Variants in PIP5K1B observed in about 807,000 individuals in gnomAD.
PIP5K1B encodes phosphatidylinositol 4-phosphate 5-kinase type-1 beta.
In PIP5K1B, 42 loss-of-function variants were observed where a neutral mutation model predicts 67.0. The observed-to-expected ratio is 0.63, with a 90% CI of 0.49 to 0.81. The LOEUF is 0.81. Among genes scored for constraint, PIP5K1B ranks in the 30% least tolerant of loss-of-function variants. The pLI, the probability that PIP5K1B is intolerant of heterozygous loss-of-function variation, is 0.00. For missense variants in PIP5K1B, 459 were observed against 646.3 expected, an observed-to-expected ratio of 0.71 and a Z score of 3.14; for synonymous variants, 214 against 231.4, an observed-to-expected ratio of 0.92 and a Z score of 0.68.
intron 6 of PIP5K1B, among the ~76,000 whole-genome samples, chr9:68,884,648 G>C (rs1366081236): frequency 7.2e-6 from 1 of 139,660 alleles, no homozygotes; most frequent in Non-Finnish European, 1.5e-5. Context: ...CTGGGTGGCA[G>C]AGCAGGACCT....
At chr9:68,990,251 G>A (rs1830302963) in intron 14 of PIP5K1B, among the ~76,000 whole-genome samples, 1 of 152,176 alleles carries the variant, frequency 6.6e-6, no homozygotes, top group Non-Finnish European at 1.5e-5. Context: ...CTGGGAACTT[G>A]TCAGAAATGC....
At chr9:68,790,363 C>CT (rs1831890603) in intron 2 of PIP5K1B, among the ~76,000 whole-genome samples, 2 of 152,180 alleles carry the variant, frequency 1.3e-5, no homozygotes, top group South Asian at 4.1e-4. Context: ...CAGTTTCATA[C>CT]TATCATGTCC....
chr9:68,720,459 A>T (rs1013705578), intron 1 of PIP5K1B, among the ~76,000 whole-genome samples: 3 of 152,136 alleles, frequency 2.0e-5, no homozygotes, highest in Non-Finnish European at 2.9e-5. Context: ...TTAAAAATTC[A>T]GTCCACCTCC....
At chr9:68,789,613 A>G in intron 2 of PIP5K1B, 6 of 383,162 alleles carry the variant, frequency 1.6e-5, no homozygotes, top group South Asian at 1.1e-4. Context: ...ACACTTCTCC[A>G]GTGTTTCTCC....
intron 4 of PIP5K1B, among the ~76,000 whole-genome samples, chr9:68,835,219 T>C (rs796948305): frequency 7.2e-5 from 11 of 152,068 alleles, no homozygotes; most frequent in African/African-American, 2.7e-4. Flanking sequence ...CATAGAGGAG[T>C]GTAGACTTTA....
At chr9:68,830,910 C>G (rs1258586420) in intron 4 of PIP5K1B, among the ~76,000 whole-genome samples, 2 of 152,204 alleles carry the variant, frequency 1.3e-5, no homozygotes, top group Non-Finnish European at 2.9e-5. Context: ...CCAGCAGGCC[C>G]CCTTTCCCTG....
At chr9:68,933,802 T>G (rs1035998409) in intron 12 of PIP5K1B, among the ~76,000 whole-genome samples, 1 of 152,184 alleles carries the variant, frequency 6.6e-6, no homozygotes. Flanking sequence ...CCTTCCCTTC[T>G]CTTTAAGTGG....
At chr9:68,835,004 T>TTAGA (rs35773211) in intron 4 of PIP5K1B, among the ~76,000 whole-genome samples, 8,789 of 152,274 alleles carry the variant, frequency 0.058, 488 homozygotes, top group African/African-American at 0.14. Flanking sequence ...AAGGCAGCCC[T>TTAGA]TAGATGACAG....
chr9:68,734,502 G>A (rs900288619), intron 1 of PIP5K1B, among the ~76,000 whole-genome samples: 27 of 152,246 alleles, frequency 1.8e-4, no homozygotes, highest in African/African-American at 5.8e-4. Flanking sequence ...TTGTTGAGTG[G>A]TTGACCAGTG....
chr9:68,941,547 G>T (rs950445724), intron 14 of PIP5K1B, among the ~76,000 whole-genome samples: 6 of 152,098 alleles, frequency 3.9e-5, no homozygotes, highest in African/African-American at 1.2e-4. Context: ...TTTTATATAA[G>T]CACTGTTTTA....
intron 2 of PIP5K1B, among the ~76,000 whole-genome samples, chr9:68,762,754 T>C (rs1163516324): frequency 6.6e-6 from 1 of 152,080 alleles, no homozygotes; most frequent in African/African-American, 2.4e-5. Flanking sequence ...CATTTCACAT[T>C]TATTGTGATC....
intron 12 of PIP5K1B, among the ~76,000 whole-genome samples, chr9:68,930,586 A>G (rs1022874129): frequency 3.3e-5 from 5 of 151,956 alleles, no homozygotes; most frequent in African/African-American, 1.2e-4. Context: ...TTTGGTTTGC[A>G]GGTTTTATTA....
chr9:68,781,476 G>A (rs1831271226), intron 2 of PIP5K1B: 1 of 176,334 alleles, frequency 5.7e-6, no homozygotes, highest in East Asian at 1.8e-4. Context: ...TCCATTTGAT[G>A]AAGAACTATA....
chr9:68,873,420 C>T (rs1396643732), intron 5 of PIP5K1B, among the ~76,000 whole-genome samples: 1 of 151,120 alleles, frequency 6.6e-6, no homozygotes, highest in Non-Finnish European at 1.5e-5. Flanking sequence ...ACCAAACAGC[C>T]GGGACTACAG....
intron 15 of PIP5K1B, among the ~76,000 whole-genome samples, chr9:68,995,580 C>T (rs1293864649): frequency 6.6e-6 from 1 of 152,034 alleles, no homozygotes; most frequent in Non-Finnish European, 1.5e-5. Context: ...CCGAGGCGGG[C>T]AGATCACCTG....
At chr9:68,716,891 A>G (rs985650984) in intron 1 of PIP5K1B, among the ~76,000 whole-genome samples, 2 of 152,246 alleles carry the variant, frequency 1.3e-5, no homozygotes, top group African/African-American at 2.4e-5. Context: ...TATATACACC[A>G]TGGAATATTA....
chr9:68,720,211 A>C (rs1382479957), intron 1 of PIP5K1B, among the ~76,000 whole-genome samples: 24 of 152,178 alleles, frequency 1.6e-4, no homozygotes, highest in Non-Finnish European at 2.9e-4. Flanking sequence ...CTTCCTTTAC[A>C]AAATTTCAGT....
chr9:68,952,472 C>T (rs1057505138), intron 14 of PIP5K1B, among the ~76,000 whole-genome samples: 8 of 152,218 alleles, frequency 5.3e-5, no homozygotes, highest in African/African-American at 1.4e-4. Context: ...TCTCCTACAT[C>T]TTCCTCTTTG....
chr9:68,762,797 T>TCATACA (rs2132394506), intron 2 of PIP5K1B, among the ~76,000 whole-genome samples: 1 of 152,226 alleles, frequency 6.6e-6, no homozygotes, highest in East Asian at 1.9e-4. Context: ...TTAGAAACGT[T>TCATACA]TATGAGTGTA....
Sources: gnomAD v4.1 joint callset for allele counts (sites outside exome capture counted in the v4.1 genomes callset) on GRCh38, gnomAD v4.1.1 for gene constraint, MANE v1.5 for transcripts, NCBI Gene and HGNC (gene_info 2026-07-23, HGNC 2026-07-21) for gene names.